The following CRYBG1 variants were observed in gnomAD, a reference collection of about 807,000 sequenced individuals.
CRYBG1 encodes the protein beta/gamma crystallin domain-containing protein 1.
Under a neutral mutation model 189.2 loss-of-function variants are expected in CRYBG1, and 139 were observed. The ratio of observed to expected loss-of-function variants is 0.73; its 90% confidence interval spans 0.64 to 0.85. The LOEUF is 0.85. Among genes scored for constraint, CRYBG1 ranks in the 40% least tolerant of loss-of-function variants. CRYBG1 has a pLI of 0.00. For missense variants in CRYBG1, 2,611 were observed against 2,675.8 expected (o/e 0.98, Z 0.53); for synonymous variants, 1,023 against 1,017.1 (o/e 1.01, Z -0.11).
At chr6:106,483,401 T>A (rs1210398913) in intron 2 of CRYBG1, among the ~76,000 whole-genome samples, 6 of 95,712 alleles carry the variant, frequency 6.3e-5, no homozygotes, top group Non-Finnish European at 1.0e-4. Context: ...GATATATATA[T>A]AAAACATTTT....
chr6:106,544,836 T>A lies in CRYBG1; in HGVS notation c.5215T>A (p.Ser1739Thr). Residue 1739 changes from serine to threonine, a missense_variant, in exon 13 of 22, where the codon TCC becomes ACC. Ser to Thr is a moderately conservative substitution (Grantham distance 58). Around this residue, in one of 3 missense-constraint regions of CRYBG1, gnomAD observed 1,622 missense variants for 1,735.0 expected, o/e 0.93. Coordinates refer to ENST00000633556, the MANE Select transcript of CRYBG1 (RefSeq NM_001371242.2). ...MIMYSEKNFGSKGSSIDVLGI... is the reference protein window; with the variant it reads ...MIMYSEKNFGTKGSSIDVLGI... The stretch of plus-strand genomic sequence containing the variant: ...AATGTACAGTGAAAAAAACTTTGGA[T>A]CCAAAGGTTCCAGTATTGATGTATT... 6.2e-7 allele frequency: 1 copy of A among 1,612,098 alleles called. No individual in the cohort carries two copies. The highest frequency in any genetic ancestry group is 8.5e-7 in the Non-Finnish European group (1 of 1,179,542).
At chr6:106,380,665 C>T (rs1310172149) in intron 1 of CRYBG1, among the ~76,000 whole-genome samples, 1 of 152,170 alleles carries the variant, frequency 6.6e-6, no homozygotes, top group African/African-American at 2.4e-5. Context: ...AGTGATGTCA[C>T]TTGACTTTCT....
At chr6:106,485,939 G>A (rs1772584377) in intron 2 of CRYBG1, among the ~76,000 whole-genome samples, 1 of 152,118 alleles carries the variant, frequency 6.6e-6, no homozygotes, top group Non-Finnish European at 1.5e-5. Context: ...TTTTTTTGCA[G>A]TGTTTTTGTC....
In CRYBG1 at chr6:106,570,247, A is replaced by G. The variant is rs1490012402; in HGVS notation, c.*1681A>G. On this transcript the variant is annotated 3_prime_UTR_variant, in exon 22 of 22. Transcript: ENST00000633556. ...TCTTCTCTGGAGTCTATGGTAGGCAATTATGGTCACTGGAATAGTTTGTCT... is the reference window on the plus strand; with the variant it reads ...TCTTCTCTGGAGTCTATGGTAGGCAGTTATGGTCACTGGAATAGTTTGTCT... 6.6e-6 allele frequency: 1 copy of G among 152,188 alleles called. No individual in the cohort carries two copies. Among genetic ancestry groups the G allele is most frequent in the Non-Finnish European group, 1.5e-5 (1 of 68,038 alleles). 9.4% of individuals were successfully genotyped at this position (152,188 alleles called of 1,614,324 possible). A position where few individuals can be genotyped will look rare whatever the true frequency, so the allele number is the denominator to read the frequency against.
At chr6:106,447,331 G>T (rs1771682286) in intron 1 of CRYBG1, among the ~76,000 whole-genome samples, 1 of 151,684 alleles carries the variant, frequency 6.6e-6, no homozygotes, top group Non-Finnish European at 1.5e-5. Context: ...TAACCCTTTG[G>T]GTACAAAAAT....
At chr6:106,416,508 G>A (rs1465483593) in intron 1 of CRYBG1, among the ~76,000 whole-genome samples, 1 of 152,160 alleles carries the variant, frequency 6.6e-6, no homozygotes, top group African/African-American at 2.4e-5. Flanking sequence ...ACAGTTGCTA[G>A]GCTGGTTCTG....
chr6:106,553,695 G>T, intron 16 of CRYBG1, 128 bp downstream of exon 16: 2 of 694,518 alleles, frequency 2.9e-6, no homozygotes, highest in East Asian at 2.8e-5. Flanking sequence ...GTCCAATGGC[G>T]TGCTTCGTGA....
chr6:106,509,541 A>C (rs1374854419), intron 2 of CRYBG1, among the ~76,000 whole-genome samples: 1 of 152,234 alleles, frequency 6.6e-6, no homozygotes, highest in Non-Finnish European at 1.5e-5. Flanking sequence ...CAGCAGCAGC[A>C]GCTGTCTAGT....
chr6:106,540,180 T>C lies in CRYBG1; in HGVS notation c.4845+651T>C, dbSNP rs544288986. Among the ~76,000 whole-genome samples, 3 of 152,296 alleles carry C rather than the reference T, an allele frequency of 2.0e-5. No homozygotes were observed. The South Asian group carries it at 6.2e-4, about 32-fold the overall frequency. The stretch of plus-strand genomic sequence containing the variant: ...TCCCAGTGTCTTGCTTTGTTCTTTG[T>C]TTCTTCCGCTAGACTGTCAGCTTTG... On this transcript the variant is annotated intron_variant, in intron 9 of 21. Coordinates refer to ENST00000633556, the MANE Select transcript of CRYBG1 (RefSeq NM_001371242.2).
chr6:106,520,775 C>T lies in CRYBG1; in HGVS notation c.3567C>T (p.Pro1189=). ...QNLDTKSKLR[P]KRASAEQSVL... ...TTGACACAAAATCCAAACTGAGACCCAAACGTGCATCTGCTGAACAGAGCG... is the reference window on the plus strand; with the variant it reads ...TTGACACAAAATCCAAACTGAGACCTAAACGTGCATCTGCTGAACAGAGCG... The change falls in exon 4 of 22, where the codon CCC becomes CCT. Residue 1189 remains proline (P), a synonymous_variant. Coordinates refer to ENST00000633556, the MANE Select transcript of CRYBG1 (RefSeq NM_001371242.2). 2 of 1,614,164 alleles carry T rather than the reference C, an allele frequency of 1.2e-6. No homozygotes were observed. The highest frequency in any genetic ancestry group is 1.1e-5 in the South Asian group (1 of 91,084).
At chr6:106,464,071 G>C (rs1367389591) in intron 2 of CRYBG1, among the ~76,000 whole-genome samples, 6 of 152,214 alleles carry the variant, frequency 3.9e-5, no homozygotes, top group Non-Finnish European at 8.8e-5. Context: ...GACAACTTGT[G>C]GTTGTGGGAC....
intron 2 of CRYBG1, among the ~76,000 whole-genome samples, chr6:106,456,631 A>T (rs897859402): frequency 6.6e-6 from 1 of 152,138 alleles, no homozygotes; most frequent in Admixed American, 6.5e-5. Context: ...TTTGTTTTCC[A>T]TGTTTCCCAG....
intron 4 of CRYBG1, among the ~76,000 whole-genome samples, chr6:106,522,665 G>A (rs13193036): frequency 0.21 from 31,509 of 152,092 alleles, 3,710 homozygotes; most frequent in South Asian, 0.34. Flanking sequence ...TGTGAACCCG[G>A]CTGTCTGGCA....
At chr6:106,434,076 G>A (rs1339197502) in intron 1 of CRYBG1, among the ~76,000 whole-genome samples, 1 of 151,950 alleles carries the variant, frequency 6.6e-6, no homozygotes, top group Non-Finnish European at 1.5e-5. Flanking sequence ...GTTCACACAT[G>A]AGGCTGTTAT....
At chr6:106,480,257 G>C (rs1449049000) in intron 2 of CRYBG1, among the ~76,000 whole-genome samples, 1 of 152,110 alleles carries the variant, frequency 6.6e-6, no homozygotes, top group Admixed American at 6.5e-5. Flanking sequence ...ATAGGGAAAA[G>C]TGATGCAGGC....
Position 106,520,857 on chromosome 6 carries a change from C to T in CRYBG1, c.3649C>T (p.Pro1217Ser). 6.2e-7 allele frequency: 1 copy of T among 1,613,998 alleles called. No individual in the cohort carries two copies. Residue 1217 changes from proline (P) to serine (S), a missense_variant, in exon 4 of 22, where the codon CCG becomes TCG. This residue lies in a region of CRYBG1 where 1,622 missense variants were observed against 1,735.0 expected (regional missense o/e 0.93). Transcript: ENST00000633556. ...TNGNSEPLVM[P>S]EINDKENRDV... ...TGGGAACAGTGAGCCTCTGGTGATG[C>T]CGGAAATCAATGACAAAGAGAACAG...
At chr6:106,510,032 T>C (rs562175097) in intron 2 of CRYBG1, among the ~76,000 whole-genome samples, 7 of 152,304 alleles carry the variant, frequency 4.6e-5, no homozygotes, top group Admixed American at 2.6e-4. Context: ...TCAAACGCAA[T>C]GGAGCTTCAA....
chr6:106,436,146 T>C (rs1044000530), intron 1 of CRYBG1, among the ~76,000 whole-genome samples: 1 of 150,616 alleles, frequency 6.6e-6, no homozygotes, highest in Non-Finnish European at 1.5e-5. Context: ...AATGTTTTTC[T>C]TATTATAAGA....
chr6:106,508,847 G>T (rs183354312), intron 2 of CRYBG1, among the ~76,000 whole-genome samples: 1 of 152,048 alleles, frequency 6.6e-6, no homozygotes, highest in African/African-American at 2.4e-5. Flanking sequence ...CCCTCTGAGG[G>T]GGGGAGGAGT....
Sources: allele counts gnomAD v4.1 joint callset (sites outside exome capture counted in the v4.1 genomes callset), GRCh38; gene constraint gnomAD v4.1.1; regional missense constraint gnomAD v4.1.1; transcripts MANE v1.5; gene names NCBI Gene and HGNC (gene_info 2026-07-23, HGNC 2026-07-21).